Variants in ZFP42 observed in about 807,000 individuals in gnomAD.
ZFP42 encodes ZFP42 zinc finger protein, also known as zinc finger protein 42 homolog.
For synonymous variants in ZFP42, 175 were observed against 144.6 expected, an observed-to-expected ratio of 1.21 and a Z score of -1.51; for missense variants, 438 against 377.1, an observed-to-expected ratio of 1.16 and a Z score of -1.34.
At position 188,002,804 on chromosome 4, in the gene ZFP42, A is replaced by C. The variant is rs1412595645; in HGVS notation, c.-4A>C. ...ACCTTCAAGAAGGGCACAGGCAGGA[A>C]AACATGAGCCAGCAACTGAAGAAAC... On this transcript the variant is annotated 5_prime_UTR_variant, in exon 4 of 4. Transcript: ENST00000326866. 1.2e-6 allele frequency: 2 copies of C among 1,613,416 alleles called. No homozygotes were observed. Among genetic ancestry groups the C allele is most frequent in the Admixed American group, 3.3e-5 (2 of 59,858 alleles).
rs776882748 is a variant in ZFP42 at position 188,003,533 on chromosome 4, G to A, written c.726G>A (p.Glu242=). 3.7e-6 allele frequency: 6 copies of A among 1,613,600 alleles called. No individual in the cohort carries two copies. The highest frequency in any genetic ancestry group is 1.7e-5 in the Admixed American group (1 of 59,994). The stretch of plus-strand genomic sequence containing the variant: ...GACATTTCCTGGTTCATACTGGAGA[G>A]AAGCCGTTTCGGTGCACTTTTGAAG... ...LKRHFLVHTG[E]KPFRCTFEGC... The change falls in exon 4 of 4, where the codon GAG becomes GAA. Residue 242 remains glutamate, a synonymous_variant. Coordinates refer to ENST00000326866, the MANE Select transcript of ZFP42 (RefSeq NM_174900.5).
chr4:187,996,651 A>T (rs899897709), intron 1 of ZFP42, among the ~76,000 whole-genome samples: 1 of 151,936 alleles, frequency 6.6e-6, no homozygotes. Context: ...CTCTTCATCC[A>T]ATCCACCGGC....
chr4:187,996,602 G>A (rs1012396235), intron 1 of ZFP42, among the ~76,000 whole-genome samples: 1 of 152,152 alleles, frequency 6.6e-6, no homozygotes, highest in East Asian at 1.9e-4. Flanking sequence ...GAGCCACCGC[G>A]CCGGGCGAGA....
chr4:188,001,051 A>G (rs1733791477), intron 3 of ZFP42, among the ~76,000 whole-genome samples: 1 of 152,172 alleles, frequency 6.6e-6, no homozygotes, highest in Non-Finnish European at 1.5e-5. Context: ...ACATATATGT[A>G]TTACATATTT....
rs1560911041 is a variant in ZFP42 at position 187,996,999 on chromosome 4, CATGGAGCGTGGAGCG to C, written c.-339+1160_-339+1174del. Among the ~76,000 whole-genome samples, 453 of 36,840 alleles carry C rather than the reference CATGGAGCGTGGAGCG, an allele frequency of 0.012. 6 individuals are homozygous for C. In the East Asian group the frequency reaches 0.46, roughly 38 times the overall value. The allele number at this position is 36,840 out of a possible 152,430, so 24.2% of individuals were successfully genotyped here. ...CGCCATAGCTGTAGGGAGCATGGAG[CATGGAGCGTGGAGCG>C]TGGAGCATGGAGCATGGAGCGTGGA... is the stretch of plus-strand genomic sequence containing the variant. On this transcript the variant is annotated intron_variant, in intron 1 of 3. Coordinates refer to ENST00000326866, the MANE Select transcript of ZFP42 (RefSeq NM_174900.5).
At chr4:188,000,696 C>T (rs1369866912) in intron 3 of ZFP42, among the ~76,000 whole-genome samples, 3 of 152,116 alleles carry the variant, frequency 2.0e-5, no homozygotes, top group African/African-American at 4.8e-5. Flanking sequence ...TTTTAAAGGA[C>T]ACAGGCCTGG....
At chr4:187,996,619 C>T (rs1310703651) in intron 1 of ZFP42, among the ~76,000 whole-genome samples, 1 of 152,094 alleles carries the variant, frequency 6.6e-6, no homozygotes, top group Non-Finnish European at 1.5e-5. Context: ...GAGACTCATT[C>T]TTGATTCCTG....
At chr4:188,001,031 G>A (rs910144014) in intron 3 of ZFP42, among the ~76,000 whole-genome samples, 1 of 152,068 alleles carries the variant, frequency 6.6e-6, no homozygotes, top group African/African-American at 2.4e-5. Context: ...AATAACATTA[G>A]TAGCATATAA....
chr4:187,997,205 T>C (rs1381563456), intron 1 of ZFP42, among the ~76,000 whole-genome samples: 1 of 146,826 alleles, frequency 6.8e-6, no homozygotes, highest in Non-Finnish European at 1.5e-5. Flanking sequence ...GGTGGCGTCC[T>C]CGGTTACTTC....
Position 188,002,790 on chromosome 4 carries a change from G to A in ZFP42, c.-18G>A, listed in dbSNP as rs774875420. The A allele has an allele frequency of 3.7e-6, 6 of 1,610,850 alleles. No homozygotes were observed. The highest frequency in any genetic ancestry group is 1.7e-4 in the Middle Eastern group (1 of 6,026). ...ATATCCTGGTGTAAACCTTCAAGAA[G>A]GGCACAGGCAGGAAAACATGAGCCA... On this transcript the variant is annotated 5_prime_UTR_variant, in exon 4 of 4. Coordinates refer to ENST00000326866, the MANE Select transcript of ZFP42 (RefSeq NM_174900.5).
chr4:187,996,734 A>G (rs2111170739), intron 1 of ZFP42, among the ~76,000 whole-genome samples: 1 of 152,192 alleles, frequency 6.6e-6, no homozygotes, highest in Non-Finnish European at 1.5e-5. Context: ...CTCTGCCGCC[A>G]TCTGCTCCAA....
intron 1 of ZFP42, among the ~76,000 whole-genome samples, chr4:187,997,021 A>ATGGAGCATGGAGCGTGGAGCGTGGAGCG (rs1733611527): frequency 5.4e-5 from 3 of 55,300 alleles, no homozygotes; most frequent in Non-Finnish European, 9.6e-5. Flanking sequence ...AGCGTGGAGC[A>ATGGAGCATGGAGCGTGGAGCGTGGAGCG]TGGAGCATGG....
chr4:187,998,817 A>T (rs1733704354), intron 1 of ZFP42, among the ~76,000 whole-genome samples: 1 of 152,156 alleles, frequency 6.6e-6, no homozygotes. Context: ...CTAAAGATAC[A>T]TTTCTCAGAA....
At chr4:188,002,674 T>G in intron 3 of ZFP42, 39 bp from the exon 4 acceptor site, 1 of 736,860 alleles carries the variant, frequency 1.4e-6, no homozygotes, top group Non-Finnish European at 2.3e-6. Context: ...GCTCTAATAC[T>G]GGAATCTATT....
In ZFP42 at chr4:187,999,683, C is replaced by G. The variant is rs558165186; in HGVS notation, c.-98C>G. 2 of 152,316 alleles carry G rather than the reference C, an allele frequency of 1.3e-5. No homozygotes were observed. Among genetic ancestry groups the G allele is most frequent in the South Asian group, 4.1e-4 (2 of 4,824 alleles). The allele number at this position is 152,316 out of a possible 1,614,324, so 9.4% of individuals were successfully genotyped here. On this transcript the variant is annotated splice_region_variant and 5_prime_UTR_variant, in exon 3 of 4. Coordinates refer to ENST00000326866, the MANE Select transcript of ZFP42 (RefSeq NM_174900.5). Reference sequence around the variant, plus strand: ...CACTCTAGTAGTGCTCACAGTCCAGCAGGTAAGACAGACTTGAAGCAAGGG... The same window carrying G: ...CACTCTAGTAGTGCTCACAGTCCAGGAGGTAAGACAGACTTGAAGCAAGGG...
chr4:188,002,885 G>GC lies in ZFP42; in HGVS notation c.81dup (p.Arg28GlnfsTer24). The GC allele has an allele frequency of 6.2e-7, 1 of 1,614,204 alleles. No homozygotes were observed. Among genetic ancestry groups the GC allele is most frequent in the South Asian group, 1.1e-5 (1 of 91,088 alleles). ...GTGGAAGAGCCCCCAGTGGGGCTAA[G>GC]CCCAGGCAAGGCAAGTCAAGCCAAG... On this transcript the variant is annotated frameshift_variant, in exon 4 of 4. Coordinates refer to ENST00000326866, the MANE Select transcript of ZFP42 (RefSeq NM_174900.5). LOFTEE classifies it low-confidence loss of function (END_TRUNC).
rs1733721027 is a variant in ZFP42, at chr4:187,999,289, G to C, written c.-173+16G>C. ...CTGAGCTGAAGTGTAGGTGTGGTCT[G>C]ATTAGACTCATTTTTTCTTTTTTGT... On this transcript the variant is annotated intron_variant, in intron 2 of 3. Coordinates refer to ENST00000326866, the MANE Select transcript of ZFP42 (RefSeq NM_174900.5). The C allele has an allele frequency of 6.6e-6, 1 of 152,112 alleles. No homozygotes were observed. The highest frequency in any genetic ancestry group is 1.5e-5 in the Non-Finnish European group (1 of 68,046). 9.4% of individuals were successfully genotyped at this position (152,112 alleles called of 1,614,324 possible).
rs1390516147 is a variant in ZFP42, at chr4:188,004,036, C to A, written c.*296C>A. ...CAGTGATAAATTTTCAAAAGCATAA[C>A]CTTCAATATATTATCTGTTGGATTA... is the stretch of plus-strand genomic sequence containing the variant. On this transcript the variant is annotated 3_prime_UTR_variant, in exon 4 of 4. Transcript: ENST00000326866. 4 of 274,388 alleles carry A rather than the reference C, an allele frequency of 1.5e-5. No homozygotes were observed. The highest frequency in any genetic ancestry group is 8.9e-5 in the African/African-American group (4 of 45,078). 17.0% of individuals were successfully genotyped at this position (274,388 alleles called of 1,614,324 possible).
intron 1 of ZFP42, among the ~76,000 whole-genome samples, chr4:187,998,780 G>A (rs147795632): frequency 6.6e-6 from 1 of 152,174 alleles, no homozygotes; most frequent in Non-Finnish European, 1.5e-5. Context: ...GCTACACTCT[G>A]TGATGTTCAC....
Sources: gnomAD v4.1 joint callset for allele counts (sites outside exome capture counted in the v4.1 genomes callset) on GRCh38, gnomAD v4.1.1 for gene constraint, MANE v1.5 for transcripts, NCBI Gene and HGNC (gene_info 2026-07-23, HGNC 2026-07-21) for gene names.